The following AHNAK2 variants were observed in gnomAD, a reference collection of about 807,000 sequenced individuals.
AHNAK2 encodes the protein AHNAK nucleoprotein 2.
In AHNAK2, 18 loss-of-function variants were observed where a neutral mutation model predicts 30.7. The observed-to-expected ratio is 0.59, with a 90% confidence interval of 0.41 to 0.87. The LOEUF is 0.87. Among genes scored for constraint, AHNAK2 ranks in the 40% least tolerant of loss-of-function variants. The pLI is 0.00. For missense variants in AHNAK2, 8,604 were observed against 7,373.0 expected (o/e 1.17, Z -6.11); for synonymous variants, 3,590 against 3,073.8 (o/e 1.17, Z -5.56).
rs769309231 is a variant in AHNAK2 at position 104,946,907 on chromosome 14, G to A, written c.8544C>T (p.Ser2848=). The change falls in exon 7 of 7, where the codon AGC becomes AGT. Residue 2848 remains serine (S), a synonymous_variant. Coordinates refer to ENST00000333244, the MANE Select transcript of AHNAK2 (RefSeq NM_138420.4). ...TAAGATCCCCTTGCATGGAGGGGAA[G>A]CTCCCGTCAGCTTCCACCTTCAGCT... is the stretch of plus-strand genomic sequence containing the variant. The part of the protein sequence containing the change: ...VSELKVEADG[S]FPSMQGDLKT... 1.9e-5 allele frequency: 31 copies of A among 1,612,516 alleles called. No individual in the cohort carries two copies. In the South Asian group the frequency reaches 2.5e-4, roughly 13 times the overall value.
intron 1 of AHNAK2, among the ~76,000 whole-genome samples, chr14:104,965,586 C>T (rs1899280473): frequency 1.3e-5 from 2 of 152,188 alleles, no homozygotes; most frequent in Admixed American, 1.3e-4. Context: ...GGGCCTCCCT[C>T]CTGCAGTGAC....
In AHNAK2 at chr14:104,938,534, A is replaced by T; in HGVS notation, c.16917T>A (p.Ser5639Arg). The T allele has an allele frequency of 6.2e-7, 1 of 1,613,192 alleles. No individual in the cohort carries two copies. Among genetic ancestry groups the T allele is most frequent in the Non-Finnish European group, 8.5e-7 (1 of 1,179,696 alleles). Residue 5639 changes from serine to arginine, a missense_variant, in exon 7 of 7, where the codon AGT becomes AGA. Ser to Arg is a moderately radical substitution (Grantham distance 110, BLOSUM62 -1). Coordinates refer to ENST00000333244, the MANE Select transcript of AHNAK2 (RefSeq NM_138420.4). Reference protein sequence around the residue: ...EGRAPKDKPESKKSGLLWFWL... With the variant: ...EGRAPKDKPERKKSGLLWFWL... ...AAAACCAGAGCAGACCAGATTTTTTACTTTCTGGTTTGTCTTTTGGAGCCC... is the reference window on the plus strand; with the variant it reads ...AAAACCAGAGCAGACCAGATTTTTTTCTTTCTGGTTTGTCTTTTGGAGCCC...
In AHNAK2 at chr14:104,939,603, G is replaced by A; in HGVS notation, c.15848C>T (p.Ser5283Phe). 5 of 1,613,814 alleles carry A rather than the reference G, an allele frequency of 3.1e-6. No individual in the cohort carries two copies. The highest frequency in any genetic ancestry group is 4.2e-6 in the Non-Finnish European group (5 of 1,179,862). Reference protein sequence around the residue: ...LDSTGLKLHLSTAGMTGDELS... With the variant: ...LDSTGLKLHLFTAGMTGDELS... ...CTCATCCCCAGTCATCCCAGCAGTG[G>A]AGAGGTGCAGCTTCAAGCCTGTGCT... Residue 5283 changes from serine (S) to phenylalanine (F), a missense_variant, in exon 7 of 7, where the codon TCC becomes TTC. Coordinates refer to ENST00000333244, the MANE Select transcript of AHNAK2 (RefSeq NM_138420.4).
In AHNAK2 at chr14:104,941,652, G is replaced by A; in HGVS notation, c.13799C>T (p.Ala4600Val). ...SLPSVETDVQ[A>V]PGSMLDGARL... is the part of the protein sequence containing the mutation. ...CGCACCATCCAGCATGGATCCTGGG[G>A]CCTGGACATCCGTCTCCACGCTGGG... The change falls in exon 7 of 7, where the codon GCC becomes GTC. Residue 4600 changes from alanine (A) to valine (V), a missense_variant. Coordinates refer to ENST00000333244, the MANE Select transcript of AHNAK2 (RefSeq NM_138420.4). 6.2e-7 allele frequency: 1 copy of A among 1,613,504 alleles called. No homozygotes were observed. Among genetic ancestry groups the A allele is most frequent in the Non-Finnish European group, 8.5e-7 (1 of 1,179,850 alleles).
rs761995982 is a variant in AHNAK2 at position 104,940,689 on chromosome 14, C to T, written c.14762G>A (p.Gly4921Asp). 4.3e-6 allele frequency: 7 copies of T among 1,613,230 alleles called. No individual in the cohort carries two copies. Among genetic ancestry groups the T allele is most frequent in the Non-Finnish European group, 5.1e-6 (6 of 1,179,836 alleles). The change falls in exon 7 of 7, where the codon GGC (glycine) becomes GAC (aspartate). Residue 4921 changes from glycine to aspartate, a missense_variant. By Grantham distance (94) the Gly-to-Asp change is moderately conservative. Coordinates refer to ENST00000333244, the MANE Select transcript of AHNAK2 (RefSeq NM_138420.4). This position sits in a 1 kb window ranked among gnomAD's most constrained non-coding sequence, Gnocchi z 4.4. ...CAAGGAGGCCACAAGCTCTTCTGGGCCCTGAGACACACAGGTGCCTGGGGA... is the reference window on the plus strand; with the variant it reads ...CAAGGAGGCCACAAGCTCTTCTGGGTCCTGAGACACACAGGTGCCTGGGGA... ...LPSPGTCVSQGPEELVASLQT... is the reference protein window; with the variant it reads ...LPSPGTCVSQDPEELVASLQT...
At position 104,950,960 on chromosome 14, in the gene AHNAK2, C is replaced by T. The variant is rs200293972; in HGVS notation, c.4491G>A (p.Lys1497=). 27 of 1,484,590 alleles carry T rather than the reference C, an allele frequency of 1.8e-5. No individual in the cohort carries two copies. Among genetic ancestry groups the T allele is most frequent in the African/African-American group, 1.7e-4 (12 of 70,506 alleles). The allele number at this position is 1,484,590 out of a possible 1,614,324, so 92.0% of individuals were successfully genotyped here. ...TTKDSKFKMP[K]FKMPSFGVSA... is the part of the protein sequence containing the mutation. Reference sequence around the variant, plus strand: ...ACACCCCGAACGACGGCATCTTGAACTTGGGCATTTTGAACTTGCTGTCTT... The same window carrying T: ...ACACCCCGAACGACGGCATCTTGAATTTGGGCATTTTGAACTTGCTGTCTT... The change falls in exon 7 of 7, where the codon AAG becomes AAA. Residue 1497 remains lysine, a synonymous_variant. Coordinates refer to ENST00000333244, the MANE Select transcript of AHNAK2 (RefSeq NM_138420.4).
At position 104,940,737 on chromosome 14, in the gene AHNAK2, G is replaced by C; in HGVS notation, c.14714C>G (p.Pro4905Arg). The change falls in exon 7 of 7, where the codon CCC becomes CGC. Residue 4905 changes from proline to arginine, a missense_variant. Physicochemically the swap from Pro to Arg is moderately radical, Grantham distance 103. Transcript: ENST00000333244. This position sits in a 1 kb window ranked among gnomAD's most constrained non-coding sequence, Gnocchi z 4.4. ...PLSPGERVQC[P>R]LPSTQLPSPG... ...GGATGGCAGCTGGGTGCTTGGCAAG[G>C]GGCACTGCACTCTTTCTCCAGGGCT... is the stretch of plus-strand genomic sequence containing the variant. 6.2e-7 allele frequency: 1 copy of C among 1,612,876 alleles called. No individual in the cohort carries two copies. Among genetic ancestry groups the C allele is most frequent in the South Asian group, 1.1e-5 (1 of 91,082 alleles).
In AHNAK2 at chr14:104,950,745, C is replaced by T. The variant is rs376661038; in HGVS notation, c.4706G>A (p.Gly1569Glu). The change falls in exon 7 of 7, where the codon GGA (glycine) becomes GAA (glutamate). Residue 1569 changes from glycine (G) to glutamate (E), a missense_variant. Coordinates refer to ENST00000333244, the MANE Select transcript of AHNAK2 (RefSeq NM_138420.4). ...VKLPEGPVSEGAGLKGHLPKV... is the reference protein window; with the variant it reads ...VKLPEGPVSEEAGLKGHLPKV... The stretch of plus-strand genomic sequence containing the variant: ...GGGCAGGTGCCCTTTGAGGCCGGCT[C>T]CCTCGGACACAGGGCCCTCTGGGAG... 2 of 1,587,974 alleles carry T rather than the reference C, an allele frequency of 1.3e-6. No individual in the cohort carries two copies. The highest frequency in any genetic ancestry group is 1.7e-6 in the Non-Finnish European group (2 of 1,162,942).
Position 104,950,439 on chromosome 14 carries a change from G to T in AHNAK2, c.5012C>A (p.Ser1671Ter), listed in dbSNP as rs566413486. Residue 1671 changes from serine to a stop codon, truncating the protein, a stop_gained, in exon 7 of 7, where the codon TCG (serine) becomes TAG (stop). Transcript: ENST00000333244. LOFTEE classifies it low-confidence loss of function (END_TRUNC). ...GGCCTCGATGGACTTGCCTGGGGCC[G>T]ACACCCCAAATGATGGCATCTTGAA... ...PKFKMPSFGV[S>*]APGKSIEASV... 7 of 1,584,960 alleles carry T rather than the reference G, an allele frequency of 4.4e-6. No individual in the cohort carries two copies. The East Asian group carries it at 1.6e-4, about 36-fold the overall frequency.
At chr14:104,971,865 A>G (rs113664520) in intron 1 of AHNAK2, among the ~76,000 whole-genome samples, 2,761 of 152,332 alleles carry the variant, frequency 0.018, 83 homozygotes, top group African/African-American at 0.063. Flanking sequence ...GAGCAGGCCC[A>G]CACAGCCGAG....
Position 104,953,821 on chromosome 14 carries a change from T to G in AHNAK2, c.1630A>C (p.Thr544Pro), listed in dbSNP as rs776191346. Residue 544 changes from threonine to proline, a missense_variant, in exon 7 of 7, where the codon ACC becomes CCC. By Grantham distance (38) the Thr-to-Pro change is conservative. Transcript: ENST00000333244. ...GAGWMPGREP[T>P]THAEAQGDEG... ...TCCCCCTGTGCTTCTGCATGTGTGGTTGGTTCCCTGCCCGGCATCCACCCG... is the reference window on the plus strand; with the variant it reads ...TCCCCCTGTGCTTCTGCATGTGTGGGTGGTTCCCTGCCCGGCATCCACCCG... 6.2e-7 allele frequency: 1 copy of G among 1,614,012 alleles called. No individual in the cohort carries two copies. Among genetic ancestry groups the G allele is most frequent in the Non-Finnish European group, 8.5e-7 (1 of 1,179,884 alleles).
rs1451965828 is a variant in AHNAK2, at chr14:104,939,244, C to T, written c.16207G>A (p.Asp5403Asn). ...RFSFPAPSSEDDVFIPTVREV... is the reference protein window; with the variant it reads ...RFSFPAPSSENDVFIPTVREV... Reference sequence around the variant, plus strand: ...CTCACAGTGGGGATGAACACATCATCCTCTGAGCTGGGGGCAGGGAAGGAG... The same window carrying T: ...CTCACAGTGGGGATGAACACATCATTCTCTGAGCTGGGGGCAGGGAAGGAG... The change falls in exon 7 of 7, where the codon GAT (aspartate) becomes AAT (asparagine). Residue 5403 changes from aspartate (D) to asparagine (N), a missense_variant. Coordinates refer to ENST00000333244, the MANE Select transcript of AHNAK2 (RefSeq NM_138420.4). 1 of 1,613,882 alleles carries T rather than the reference C, an allele frequency of 6.2e-7. No homozygotes were observed.
At position 104,942,127 on chromosome 14, in the gene AHNAK2, T is replaced by C. The variant is rs377277155; in HGVS notation, c.13324A>G (p.Ser4442Gly). The C allele has an allele frequency of 1.3e-5, 21 of 1,612,696 alleles. No homozygotes were observed. Among genetic ancestry groups the C allele is most frequent in the Non-Finnish European group, 1.7e-5 (20 of 1,179,544 alleles). The change falls in exon 7 of 7, where the codon AGT (serine) becomes GGT (glycine). Residue 4442 changes from serine to glycine, a missense_variant. By Grantham distance (56) the Ser-to-Gly change is moderately conservative. Coordinates refer to ENST00000333244, the MANE Select transcript of AHNAK2 (RefSeq NM_138420.4). ...GACAGGTCCCCCTCCAGCCGCGTAC[T>C]GTCCAGCTTGGCTCCTGGGGCTTGG... ...DIQAPGAKLDSTRLEGDLSLA... is the reference protein window; with the variant it reads ...DIQAPGAKLDGTRLEGDLSLA...
intron 5 of AHNAK2, 37 bp downstream of exon 5, chr14:104,955,446 G>C: frequency 6.3e-7 from 1 of 1,589,116 alleles, no homozygotes; most frequent in Non-Finnish European, 8.6e-7. Context: ...TCCTGGTGGG[G>C]AGAATGGTGA....
At chr14:104,967,791 G>T (rs529584311) in intron 1 of AHNAK2, among the ~76,000 whole-genome samples, 1 of 152,238 alleles carries the variant, frequency 6.6e-6, no homozygotes, top group South Asian at 2.1e-4. Flanking sequence ...CTCGGGATAA[G>T]GCTGCGCAGC....
chr14:104,939,382 A>G lies in AHNAK2; in HGVS notation c.16069T>C (p.Leu5357=). The change falls in exon 7 of 7, where the codon TTG becomes CTG. Residue 5357 remains leucine (L), a synonymous_variant. Transcript: ENST00000333244. The part of the protein sequence containing the change: ...WSSQPEGPLK[L]KASSTDMPSQ... Reference sequence around the variant, plus strand: ...GGCATATCAGTACTTGAAGCTTTCAATTTAAGTGGACCTTCAGGCTGGGAA... The same window carrying G: ...GGCATATCAGTACTTGAAGCTTTCAGTTTAAGTGGACCTTCAGGCTGGGAA... 6.2e-7 allele frequency: 1 copy of G among 1,613,688 alleles called. No homozygotes were observed. Among genetic ancestry groups the G allele is most frequent in the Non-Finnish European group, 8.5e-7 (1 of 1,179,874 alleles).
In AHNAK2 at chr14:104,950,194, T is replaced by C. The variant is rs1218346948; in HGVS notation, c.5257A>G (p.Lys1753Glu). The change falls in exon 7 of 7, where the codon AAA (lysine) becomes GAA (glutamate). Residue 1753 changes from lysine to glutamate, a missense_variant. Transcript: ENST00000333244. ...ATCTGGGGGCCCTTGAGGGCCACTT[T>C]GGGCATCTTCAAACTGGGCATCTGC... is the stretch of plus-strand genomic sequence containing the variant. ...KVQMPSLKMP[K>E]VALKGPQMDV... is the part of the protein sequence containing the mutation. 2 of 1,585,742 alleles carry C rather than the reference T, an allele frequency of 1.3e-6. No individual in the cohort carries two copies. The highest frequency in any genetic ancestry group is 8.6e-7 in the Non-Finnish European group (1 of 1,162,766).
Position 104,945,405 on chromosome 14 carries a change from C to G in AHNAK2, c.10046G>C (p.Gly3349Ala), listed in dbSNP as rs758205866. 3 of 1,613,130 alleles carry G rather than the reference C, an allele frequency of 1.9e-6. No individual in the cohort carries two copies. The highest frequency in any genetic ancestry group is 4.5e-5 in the East Asian group (2 of 44,806). Residue 3349 changes from glycine to alanine, a missense_variant, in exon 7 of 7, where the codon GGG becomes GCG. By Grantham distance (60) the Gly-to-Ala change is moderately conservative. Coordinates refer to ENST00000333244, the MANE Select transcript of AHNAK2 (RefSeq NM_138420.4). Reference sequence around the variant, plus strand: ...GCTGAGGTCAGTGGTCTTGAGGTCCCCCTGCATGGAGGGGAGGCTCACGTC... The same window carrying G: ...GCTGAGGTCAGTGGTCTTGAGGTCCGCCTGCATGGAGGGGAGGCTCACGTC... The part of the protein sequence containing the change: ...EADVSLPSMQ[G>A]DLKTTDLSIQ...
In AHNAK2 at chr14:104,948,528, T is replaced by A. The variant is rs781391525; in HGVS notation, c.6923A>T (p.Asp2308Val). 5.0e-6 allele frequency: 8 copies of A among 1,611,940 alleles called. No individual in the cohort carries two copies. In the East Asian group the frequency reaches 1.8e-4, roughly 36 times the overall value. ...GCTGTCTTTGGCAGTCACGTCCTTG[T>A]CGGCCAGGGACATGTCCCCCTCCAG... is the stretch of plus-strand genomic sequence containing the variant. ...ARLEGDMSLA[D>V]KDVTAKDSKF... The change falls in exon 7 of 7, where the codon GAC becomes GTC. Residue 2308 changes from aspartate to valine, a missense_variant. Physicochemically the swap from Asp to Val is radical, Grantham distance 152. Transcript: ENST00000333244.
Sources: allele counts gnomAD v4.1 joint callset (sites outside exome capture counted in the v4.1 genomes callset), GRCh38; gene constraint gnomAD v4.1.1; non-coding constraint Gnocchi (gnomAD v3.1); transcripts MANE v1.5; gene names NCBI Gene and HGNC (gene_info 2026-07-23, HGNC 2026-07-21).